KIAA1217: variants seen among roughly 807,000 people sequenced by gnomAD.
KIAA1217 encodes sickle tail protein homolog.
Under a neutral mutation model 163.9 loss-of-function variants are expected in KIAA1217, and 88 were observed. That is an observed-to-expected ratio of 0.54 (90% CI 0.45 to 0.64). The LOEUF (loss-of-function observed/expected upper bound fraction) is 0.64. KIAA1217 is among the 30% of genes least tolerant of loss of function. KIAA1217 has a pLI of 0.00. For synonymous variants in KIAA1217, 903 were observed against 923.1 expected, an observed-to-expected ratio of 0.98 and a Z score of 0.39; for missense variants, 2,372 against 2,475.0, an observed-to-expected ratio of 0.96 and a Z score of 0.88.
rs1224179339 is a variant in KIAA1217 at position 24,323,029 on chromosome 10, C to T, written c.355-57840C>T. Among the ~76,000 whole-genome samples the T allele has an allele frequency of 2.0e-5, 3 of 152,152 alleles. No homozygotes were observed. The East Asian group carries it at 5.8e-4, about 29-fold the overall frequency. ...GCAGTGCCACACTCGTAGCTCACTA[C>T]AGCCTCAAGTTCCTGGGCTCAGCAA... On this transcript the variant is annotated intron_variant, in intron 2 of 20. Coordinates refer to ENST00000376454, the MANE Select transcript of KIAA1217 (RefSeq NM_019590.5).
chr10:24,391,755 G>T (rs1459572924), intron 3 of KIAA1217, among the ~76,000 whole-genome samples: 1 of 152,148 alleles, frequency 6.6e-6, no homozygotes, highest in African/African-American at 2.4e-5. Context: ...TGAAGATGGA[G>T]CTATAGGGTT....
intron 1 of KIAA1217, among the ~76,000 whole-genome samples, chr10:23,723,831 T>A (rs1207775215): frequency 1.3e-5 from 2 of 152,340 alleles, no homozygotes; most frequent in African/African-American, 4.8e-5. Context: ...TATTAGGCCG[T>A]TCTCAGATTG....
At position 24,369,179 on chromosome 10, in the gene KIAA1217, ATGTGTGTGTGTGTGTG is replaced by A. The variant is rs59687010; in HGVS notation, c.355-11666_355-11651del. Among the ~76,000 whole-genome samples the A allele has an allele frequency of 2.9e-5, 4 of 139,638 alleles. No individual in the cohort carries two copies. In the East Asian group the frequency reaches 6.3e-4, roughly 22 times the overall value. 91.6% of individuals were successfully genotyped at this position (139,638 alleles called of 152,430 possible). A position where few individuals can be genotyped will look rare whatever the true frequency, so the allele number is the denominator to read the frequency against. ...CAGAAAGCTAGTTAGAACTTTCACT[ATGTGTGTGTGTGTGTG>A]TGTGTGTGTGTGTGTGTGTGTGTTT... On this transcript the variant is annotated intron_variant, in intron 2 of 20. Transcript: ENST00000376454.
intron 2 of KIAA1217, among the ~76,000 whole-genome samples, chr10:24,075,892 C>T (rs533457176): frequency 1.1e-4 from 17 of 152,278 alleles, no homozygotes; most frequent in Admixed American, 4.6e-4. Context: ...GCATGAGCCA[C>T]GACTCCCAGC....
intron 2 of KIAA1217, among the ~76,000 whole-genome samples, chr10:24,160,205 A>G (rs530210444): frequency 1.3e-5 from 2 of 152,300 alleles, no homozygotes; most frequent in South Asian, 4.1e-4. Context: ...GTTCTCTCCA[A>G]TTAATGAGCA....
At chr10:23,906,924 G>A (rs1361314812) in intron 1 of KIAA1217, among the ~76,000 whole-genome samples, 1 of 151,966 alleles carries the variant, frequency 6.6e-6, no homozygotes, top group Admixed American at 6.6e-5. Flanking sequence ...AATTCAATGG[G>A]CTAAATTTTA....
intron 2 of KIAA1217, among the ~76,000 whole-genome samples, chr10:24,245,913 A>G (rs138843353): frequency 9.3e-4 from 141 of 152,190 alleles, no homozygotes; most frequent in African/African-American, 3.2e-3. Flanking sequence ...GTTTAGATCA[A>G]AGGTGTCAAC....
rs1172071779 is a variant in KIAA1217 at position 24,417,215 on chromosome 10, C to G, written c.554-15780C>G. Among the ~76,000 whole-genome samples the G allele has an allele frequency of 3.9e-5, 6 of 152,084 alleles. 1 individual carries two copies. In the South Asian group the frequency reaches 6.2e-4, roughly 16 times the overall value. On this transcript the variant is annotated intron_variant, in intron 3 of 20. Coordinates refer to ENST00000376454, the MANE Select transcript of KIAA1217 (RefSeq NM_019590.5). ...TCTGGGGAAAAAAATCTGAGCCTCC[C>G]CCTCAGATACCTAAGAAGAAGCTGA...
chr10:24,309,037 C>A (rs191383112), intron 2 of KIAA1217, among the ~76,000 whole-genome samples: 14 of 148,476 alleles, frequency 9.4e-5, no homozygotes, highest in African/African-American at 3.5e-4. Context: ...GTCGGAGGAT[C>A]ACTTGAACCC....
At chr10:23,815,031 TTCTC>T (rs1263721825) in intron 1 of KIAA1217, among the ~76,000 whole-genome samples, 1 of 152,202 alleles carries the variant, frequency 6.6e-6, no homozygotes, top group Non-Finnish European at 1.5e-5. Flanking sequence ...TGAAGATTCT[TTCTC>T]TCTAACTACA....
chr10:23,858,746 A>T lies in KIAA1217; in HGVS notation c.-320-148479A>T, dbSNP rs975754473. ...GTCCCCCACCACTCGGTCCTTTTAC[A>T]GTTGCCTCATCTGCTGGTTCTCTGG... is the stretch of plus-strand genomic sequence containing the variant. On this transcript the variant is annotated intron_variant, in intron 1 of 18. Transcript: ENST00000376462. 6.6e-5 allele frequency among the ~76,000 whole-genome samples: 10 copies of T among 152,194 alleles called. No homozygotes were observed. In the East Asian group the frequency reaches 1.9e-3, roughly 29 times the overall value.
At chr10:24,174,804 T>C (rs77438501) in intron 2 of KIAA1217, among the ~76,000 whole-genome samples, 7,638 of 152,232 alleles carry the variant, frequency 0.05, 296 homozygotes, top group Non-Finnish European at 0.08. Context: ...TGTGATATTT[T>C]GGTGCACCCA....
chr10:24,226,344 T>C (rs2070524181), intron 2 of KIAA1217, among the ~76,000 whole-genome samples: 1 of 152,088 alleles, frequency 6.6e-6, no homozygotes, highest in African/African-American at 2.4e-5. Context: ...AAGGCAAATC[T>C]GACTGGGTGC....
chr10:24,487,251 G>T (rs1460210171), intron 6 of KIAA1217, among the ~76,000 whole-genome samples: 2 of 152,156 alleles, frequency 1.3e-5, no homozygotes, highest in Non-Finnish European at 2.9e-5. Context: ...CTTATTGATA[G>T]CACTGAGCAC....
intron 3 of KIAA1217, among the ~76,000 whole-genome samples, chr10:24,409,057 A>T (rs1025805162): frequency 1.3e-5 from 2 of 152,198 alleles, no homozygotes; most frequent in African/African-American, 2.4e-5. Context: ...ACAGTAGTTT[A>T]TATTGGACTT....
chr10:24,336,988 G>T lies in KIAA1217; in HGVS notation c.355-43881G>T, dbSNP rs72776715. On this transcript the variant is annotated intron_variant, in intron 2 of 20. Coordinates refer to ENST00000376454, the MANE Select transcript of KIAA1217 (RefSeq NM_019590.5). The stretch of plus-strand genomic sequence containing the variant: ...AGAAAATGCAGGGCAAAAGTTTCAT[G>T]ACATTGAATTTGGCAATGATTTTAT... Among the ~76,000 whole-genome samples, 221 of 152,242 alleles carry T rather than the reference G, an allele frequency of 1.5e-3. 1 individual carries two copies. The highest frequency in any genetic ancestry group is 2.7e-3 in the Non-Finnish European group (183 of 68,012).
rs148599992 is a variant in KIAA1217 at position 24,528,098 on chromosome 10, G to A, written c.3061G>A (p.Val1021Met). Residue 1021 changes from valine (V) to methionine (M), a missense_variant, in exon 14 of 21, where the codon GTG (valine) becomes ATG (methionine). By Grantham distance (21) the Val-to-Met change is conservative (BLOSUM62 1). This residue lies in a region of KIAA1217 where 1,431 missense variants were observed against 1,470.3 expected (regional missense o/e 0.97). Coordinates refer to ENST00000376454, the MANE Select transcript of KIAA1217 (RefSeq NM_019590.5). ...CCCACTGCCAAGGGGAGATGCCCCAGTGGACAAGGTGGAACTTTCAGGTAA... is the reference window on the plus strand; with the variant it reads ...CCCACTGCCAAGGGGAGATGCCCCAATGGACAAGGTGGAACTTTCAGGTAA... ...TGPLPRGDAP[V>M]DKVELSEDSP... is the part of the protein sequence containing the mutation. 2.5e-6 allele frequency: 4 copies of A among 1,613,882 alleles called. No individual in the cohort carries two copies. In the African/African-American group the frequency reaches 4.0e-5, roughly 16 times the overall value.
In KIAA1217 at chr10:23,830,821, TAC is replaced by T. The variant is rs139183459; in HGVS notation, c.-321+135614_-321+135615del. Reference sequence around the variant, plus strand: ...GGTGATAGAGATAGAGATATATGTGTACACACACACACACACACACACACACA... The same window carrying T: ...GGTGATAGAGATAGAGATATATGTGTACACACACACACACACACACACACA... On this transcript the variant is annotated intron_variant, in intron 1 of 18. Coordinates refer to the KIAA1217 transcript ENST00000376462. 5.0e-3 allele frequency among the ~76,000 whole-genome samples: 735 copies of T among 146,876 alleles called. 3 individuals are homozygous for T. The highest frequency in any genetic ancestry group is 0.013 in the South Asian group (61 of 4,604).
At position 24,542,719 on chromosome 10, in the gene KIAA1217, A is replaced by G. The variant is rs751356349; in HGVS notation, c.3561A>G (p.Val1187=). The change falls in exon 18 of 21, where the codon GTA becomes GTG. Residue 1187 remains valine, a synonymous_variant. Transcript: ENST00000376454. ...KKNLEFFHED[V]RKSDVEYENG... is the part of the protein sequence containing the mutation. ...ATTTGGAATTTTTCCATGAAGATGTACGGAAATCTGATGTTGAATATGAAA... is the reference window on the plus strand; with the variant it reads ...ATTTGGAATTTTTCCATGAAGATGTGCGGAAATCTGATGTTGAATATGAAA... 15 of 1,614,066 alleles carry G rather than the reference A, an allele frequency of 9.3e-6. No homozygotes were observed. In the African/African-American group the frequency reaches 1.6e-4, roughly 17 times the overall value.
Sources: gnomAD v4.1 joint callset for allele counts (sites outside exome capture counted in the v4.1 genomes callset) on GRCh38, gnomAD v4.1.1 for gene constraint, gnomAD v4.1.1 regional missense constraint, MANE v1.5 for transcripts, NCBI Gene and HGNC (gene_info 2026-07-23, HGNC 2026-07-21) for gene names.